The following CTNNA3 variants were observed in gnomAD, a reference collection of about 807,000 sequenced individuals.
The protein encoded by CTNNA3 is catenin alpha 3.
CTNNA3 carries 76 observed loss-of-function variants against 95.7 expected under a neutral mutation model. The observed-to-expected ratio is 0.79, with a 90% CI of 0.66 to 0.96. CTNNA3 has a LOEUF of 0.96. Among genes scored for constraint, CTNNA3 ranks in the 40% least tolerant of loss-of-function variants. The probability of loss-of-function intolerance (pLI) is 0.00; values close to 1 mark genes in which losing one functional copy is unlikely to be tolerated. For synonymous variants in CTNNA3, 431 were observed against 374.4 expected, an observed-to-expected ratio of 1.15 and a Z score of -1.74; for missense variants, 1,191 against 1,089.8, an observed-to-expected ratio of 1.09 and a Z score of -1.31.
intron 7 of CTNNA3, among the ~76,000 whole-genome samples, chr10:66,906,486 A>G (rs1363613438): frequency 6.6e-6 from 1 of 152,182 alleles, no homozygotes; most frequent in Admixed American, 6.5e-5. Context: ...GAGAAAGTCT[A>G]TCTTCAAAAG....
chr10:67,664,874 AC>A (rs1208956786), intron 1 of CTNNA3, among the ~76,000 whole-genome samples: 1 of 152,082 alleles, frequency 6.6e-6, no homozygotes, highest in Non-Finnish European at 1.5e-5. Context: ...TTTTTGCTTT[AC>A]CAATTCTCTG....
chr10:67,283,871 A>C (rs1235377068), intron 5 of CTNNA3, among the ~76,000 whole-genome samples: 2 of 152,166 alleles, frequency 1.3e-5, no homozygotes, highest in African/African-American at 4.8e-5. Flanking sequence ...TTGAACAATC[A>C]TATTTCTACA....
intron 1 of CTNNA3, among the ~76,000 whole-genome samples, chr10:67,751,485 C>A (rs1032309098): frequency 2.6e-5 from 4 of 151,786 alleles, no homozygotes; most frequent in Non-Finnish European, 2.9e-5. Context: ...GTCTGTCTGT[C>A]AAGCACCAGA....
intron 12 of CTNNA3, among the ~76,000 whole-genome samples, chr10:66,346,903 C>T (rs998988270): frequency 6.6e-6 from 1 of 151,698 alleles, no homozygotes; most frequent in Non-Finnish European, 1.5e-5. Flanking sequence ...GATTAAGAAT[C>T]TTGATTATAC....
intron 5 of CTNNA3, among the ~76,000 whole-genome samples, chr10:67,468,445 G>T (rs1383004814): frequency 6.6e-6 from 1 of 152,106 alleles, no homozygotes; most frequent in Non-Finnish European, 1.5e-5. Context: ...CGCCATTGTA[G>T]ACATGTGACC....
In CTNNA3 at chr10:67,694,565, T is replaced by C. The variant is rs187814444; in HGVS notation, c.-6+1435A>G. ...AATAAATACACAAAGATGTTTACCA[T>C]AGCATCTAGATGTTCAGCAATGATT... is the stretch of plus-strand genomic sequence containing the variant. On this transcript the variant is annotated intron_variant, in intron 1 of 17. Coordinates refer to ENST00000433211, the MANE Select transcript of CTNNA3 (RefSeq NM_013266.4). Among the ~76,000 whole-genome samples, 25 of 152,260 alleles carry C rather than the reference T, an allele frequency of 1.6e-4. No homozygotes were observed. The East Asian group carries it at 3.5e-3, about 21-fold the overall frequency.
chr10:67,363,093 C>T (rs1843058336), intron 5 of CTNNA3, among the ~76,000 whole-genome samples: 1 of 152,006 alleles, frequency 6.6e-6, no homozygotes, highest in South Asian at 2.1e-4. Context: ...ATCTACAAAA[C>T]ACTGTTTCAA....
At chr10:67,334,731 TG>T (rs1261619843) in intron 5 of CTNNA3, 1 of 152,772 alleles carries the variant, frequency 6.5e-6, no homozygotes, top group Non-Finnish European at 1.5e-5. Flanking sequence ...AAAGGAGTTC[TG>T]GCTGAGCTGG....
chr10:67,507,708 T>C (rs541283904), intron 5 of CTNNA3, among the ~76,000 whole-genome samples: 1 of 152,266 alleles, frequency 6.6e-6, no homozygotes, highest in South Asian at 2.1e-4. Flanking sequence ...GAAGGAATAC[T>C]ACAAACTCAT....
chr10:67,241,130 A>G (rs1476789598), intron 5 of CTNNA3, among the ~76,000 whole-genome samples: 2 of 152,176 alleles, frequency 1.3e-5, no homozygotes, highest in African/African-American at 4.8e-5. Context: ...TCAAATATCC[A>G]TAGGTCAGGG....
intron 1 of CTNNA3, among the ~76,000 whole-genome samples, chr10:67,694,330 A>AC (rs1840923843): frequency 6.6e-6 from 1 of 151,982 alleles, no homozygotes; most frequent in African/African-American, 2.4e-5. Flanking sequence ...GCCTGATAAC[A>AC]ATGTTTTGCA....
intron 7 of CTNNA3, among the ~76,000 whole-genome samples, chr10:67,083,587 G>A (rs1360985311): frequency 2.0e-5 from 3 of 152,098 alleles, no homozygotes; most frequent in African/African-American, 7.2e-5. Flanking sequence ...TCCTTGAGAA[G>A]AAGCTAAGAA....
intron 7 of CTNNA3, among the ~76,000 whole-genome samples, chr10:67,030,671 T>C (rs564633100): frequency 9.2e-5 from 14 of 152,242 alleles, no homozygotes; most frequent in Admixed American, 9.2e-4. Flanking sequence ...TCCATAGAGA[T>C]AATGAAGCTG....
rs764452305 is a variant in CTNNA3 at position 66,621,703 on chromosome 10, AG to A, written c.1362del (p.Leu455CysfsTer43). 6.2e-7 allele frequency: 1 copy of A among 1,603,008 alleles called. No individual in the cohort carries two copies. The highest frequency in any genetic ancestry group is 1.3e-5 in the African/African-American group (1 of 74,526). ...CTTAGTTGTCATACCTGTGGACACA[AG>A]GTTTCCAAATGATTGGCTGCAATTT... is the stretch of plus-strand genomic sequence containing the variant. ...IVKIAANHLETLCPQIINAAL... is the reference protein window; with the variant it reads ...IVKIAANHLEXLCPQIINAAL... On this transcript the variant is annotated frameshift_variant, in exon 10 of 18. Coordinates refer to ENST00000433211, the MANE Select transcript of CTNNA3 (RefSeq NM_013266.4). LOFTEE classifies it high-confidence loss of function.
chr10:67,098,395 C>T (rs978518509), intron 7 of CTNNA3: 3 of 151,930 alleles, frequency 2.0e-5, no homozygotes, highest in Non-Finnish European at 4.4e-5. Flanking sequence ...ATACATTAAC[C>T]AAAAAGGATT....
intron 15 of CTNNA3, among the ~76,000 whole-genome samples, chr10:66,034,541 T>C (rs951475636): frequency 1.3e-5 from 2 of 152,220 alleles, no homozygotes; most frequent in African/African-American, 4.8e-5. Flanking sequence ...AAATAGCATG[T>C]TTATTTAGAT....
rs560954988 is a variant in CTNNA3 at position 66,552,534 on chromosome 10, T to C, written c.1375-31761A>G. Among the ~76,000 whole-genome samples, 3 of 152,298 alleles carry C rather than the reference T, an allele frequency of 2.0e-5. No individual in the cohort carries two copies. The South Asian group carries it at 6.2e-4, about 32-fold the overall frequency. On this transcript the variant is annotated intron_variant, in intron 10 of 17. Coordinates refer to ENST00000433211, the MANE Select transcript of CTNNA3 (RefSeq NM_013266.4). ...AAGTCAGGTAGTCATTTTTGCATTT[T>C]GTCAGCATATTCAGTTCTGATCCAT...
At chr10:65,984,560 G>A (rs1403794465) in intron 16 of CTNNA3, among the ~76,000 whole-genome samples, 1 of 151,176 alleles carries the variant, frequency 6.6e-6, no homozygotes, top group East Asian at 1.9e-4. Flanking sequence ...GAAGTAAGAT[G>A]ATACTTTTGC....
chr10:67,206,973 A>C (rs1390996061), intron 6 of CTNNA3, among the ~76,000 whole-genome samples: 1 of 152,088 alleles, frequency 6.6e-6, no homozygotes, highest in Non-Finnish European at 1.5e-5. Context: ...TCTACTAAAA[A>C]TACGAAAATT....
Sources: allele counts gnomAD v4.1 joint callset (sites outside exome capture counted in the v4.1 genomes callset), GRCh38; gene constraint gnomAD v4.1.1; transcripts MANE v1.5; gene names NCBI Gene and HGNC (gene_info 2026-07-23, HGNC 2026-07-21).